Variants in ERC2 observed in about 807,000 individuals in gnomAD.
ERC2 encodes the protein ELKS/RAB6-interacting/CAST family member 2, also known as ERC protein 2.
ERC2 carries 42 observed loss-of-function variants against 114.8 expected under a neutral mutation model. That is an observed-to-expected ratio of 0.37 (90% CI 0.29 to 0.47). The LOEUF is 0.47. Ranked by LOEUF, ERC2 falls within the 20% of genes least tolerant of loss-of-function variation. The pLI is 0.99. For synonymous variants in ERC2, 454 were observed against 425.5 expected, an observed-to-expected ratio of 1.07 and a Z score of -0.82; for missense variants, 939 against 1,150.7, an observed-to-expected ratio of 0.82 and a Z score of 2.66.
intron 2 of ERC2, among the ~76,000 whole-genome samples, chr3:56,425,640 T>C (rs1354632779): frequency 3.4e-5 from 5 of 148,804 alleles, no homozygotes; most frequent in Non-Finnish European, 7.4e-5. Context: ...CCCAAATTAA[T>C]TAGTAAGGAA....
intron 13 of ERC2, among the ~76,000 whole-genome samples, chr3:55,905,342 A>G (rs1032700393): frequency 1.8e-4 from 28 of 152,028 alleles, no homozygotes; most frequent in Admixed American, 6.6e-4. Flanking sequence ...CAGCCTCCCA[A>G]AGTGCTGGGA....
At chr3:55,936,991 G>A (rs1576276550) in intron 13 of ERC2, among the ~76,000 whole-genome samples, 1 of 152,088 alleles carries the variant, frequency 6.6e-6, no homozygotes, top group South Asian at 2.1e-4. Flanking sequence ...TGACAGCATC[G>A]GGAGTCAACA....
chr3:55,628,100 T>C (rs358918), intron 17 of ERC2, among the ~76,000 whole-genome samples: 15,836 of 102,182 alleles, frequency 0.15, 877 homozygotes, highest in African/African-American at 0.22. Context: ...TTTGTATCTA[T>C]AGTTATACCC....
At chr3:55,719,600 A>C (rs991327983) in intron 15 of ERC2, among the ~76,000 whole-genome samples, 6 of 152,222 alleles carry the variant, frequency 3.9e-5, no homozygotes, top group African/African-American at 1.4e-4. Flanking sequence ...CCAAAAGCAC[A>C]AAGAGGCAAC....
At chr3:55,652,874 A>C (rs975466133) in intron 17 of ERC2, among the ~76,000 whole-genome samples, 9 of 151,908 alleles carry the variant, frequency 5.9e-5, no homozygotes, top group African/African-American at 2.2e-4. Context: ...AAAAAAAAAA[A>C]AAAAAAAAAC....
intron 17 of ERC2, among the ~76,000 whole-genome samples, chr3:55,672,697 G>T (rs2061613358): frequency 6.6e-6 from 1 of 152,272 alleles, no homozygotes; most frequent in South Asian, 2.1e-4. Flanking sequence ...CCTAAGATGA[G>T]TGAACTAGGC....
At chr3:56,443,958 A>ATTTTTTT (rs11343406) in intron 1 of ERC2, among the ~76,000 whole-genome samples, 10,589 of 79,742 alleles carry the variant, frequency 0.13, 992 homozygotes, top group East Asian at 0.27. Context: ...AATACCTACA[A>ATTTTTTT]TTTTTTTTTT....
chr3:55,790,685 C>G (rs1300051090), intron 14 of ERC2, among the ~76,000 whole-genome samples: 2 of 152,238 alleles, frequency 1.3e-5, no homozygotes, highest in Non-Finnish European at 2.9e-5. Context: ...TCTGGGGAAA[C>G]CCAACCCAGA....
chr3:55,775,690 C>G (rs1349679804), intron 14 of ERC2, among the ~76,000 whole-genome samples: 1 of 152,012 alleles, frequency 6.6e-6, no homozygotes, highest in Non-Finnish European at 1.5e-5. Flanking sequence ...GAGGATGAGA[C>G]AGAAAAGATA....
chr3:55,556,464 AC>A (rs144263590), intron 17 of ERC2, among the ~76,000 whole-genome samples: 5 of 151,584 alleles, frequency 3.3e-5, no homozygotes, highest in Admixed American at 6.6e-5. Flanking sequence ...AGCTCCCACC[AC>A]CCCCATAAGC....
At chr3:55,850,464 T>A (rs6790300) in intron 14 of ERC2, among the ~76,000 whole-genome samples, 15,028 of 152,194 alleles carry the variant, frequency 0.099, 1,274 homozygotes, top group African/African-American at 0.23. Context: ...AGGAAGAAGA[T>A]AAAGACATAG....
chr3:55,656,146 A>G (rs890488413), intron 17 of ERC2, among the ~76,000 whole-genome samples: 2 of 147,246 alleles, frequency 1.4e-5, no homozygotes, highest in African/African-American at 5.0e-5. Flanking sequence ...TGATTTAAAG[A>G]ATTTTTTTTA....
intron 2 of ERC2, among the ~76,000 whole-genome samples, chr3:56,412,440 C>T (rs1218570406): frequency 6.6e-6 from 1 of 152,254 alleles, no homozygotes; most frequent in Non-Finnish European, 1.5e-5. Flanking sequence ...CATCCCCACT[C>T]TACAGATCAG....
At chr3:55,717,058 T>C (rs1211751908) in intron 15 of ERC2, among the ~76,000 whole-genome samples, 1 of 152,102 alleles carries the variant, frequency 6.6e-6, no homozygotes, top group African/African-American at 2.4e-5. Flanking sequence ...GAGTAGGTAT[T>C]CAGTGAAGGA....
intron 14 of ERC2, among the ~76,000 whole-genome samples, chr3:55,737,468 G>C (rs115162979): frequency 6.6e-6 from 1 of 152,312 alleles, no homozygotes; most frequent in Non-Finnish European, 1.5e-5. Flanking sequence ...AAATCGGGGA[G>C]AGCCTATTTG....
chr3:56,318,648 G>A (rs1415632723), intron 2 of ERC2, among the ~76,000 whole-genome samples: 1 of 150,950 alleles, frequency 6.6e-6, no homozygotes, highest in African/African-American at 2.4e-5. Flanking sequence ...TTGAAGAAAT[G>A]TCTATTTCTT....
intron 17 of ERC2, among the ~76,000 whole-genome samples, chr3:55,626,809 G>A (rs1471563265): frequency 6.6e-6 from 1 of 152,240 alleles, no homozygotes; most frequent in Admixed American, 6.5e-5. Context: ...TCTCAGACCT[G>A]GAGTTCCTTC....
At chr3:55,874,311 G>A (rs866988264) in intron 14 of ERC2, among the ~76,000 whole-genome samples, 20 of 152,276 alleles carry the variant, frequency 1.3e-4, no homozygotes, top group African/African-American at 4.6e-4. Context: ...TACATGGAAG[G>A]AGTATGGGGG....
intron 1 of ERC2, among the ~76,000 whole-genome samples, chr3:56,446,133 G>A (rs56962423): frequency 0.42 from 64,225 of 151,878 alleles, 13,605 homozygotes; most frequent in East Asian, 0.54. Flanking sequence ...GTGTCTTTAT[G>A]CACAATGATC....
Sources: gnomAD v4.1 joint callset for allele counts (sites outside exome capture counted in the v4.1 genomes callset) on GRCh38, gnomAD v4.1.1 for gene constraint, MANE v1.5 for transcripts, NCBI Gene and HGNC (gene_info 2026-07-23, HGNC 2026-07-21) for gene names.